The following MATCAP2 variants were observed in gnomAD, a reference collection of about 807,000 sequenced individuals.
MATCAP2 encodes the protein putative tyrosine carboxypeptidase MATCAP2.
chr7:36,374,944 G>T, the MATCAP2 span, among the ~76,000 whole-genome samples: 1 of 152,186 alleles, frequency 6.6e-6, no homozygotes, highest in Non-Finnish European at 1.5e-5. Flanking sequence ...ATCATTGATG[G>T]ACATTTGGGG....
the MATCAP2 span, among the ~76,000 whole-genome samples, chr7:36,388,451 G>A: frequency 6.6e-6 from 1 of 152,108 alleles, no homozygotes; most frequent in Non-Finnish European, 1.5e-5. Context: ...AATTCTTTTT[G>A]TAATGTTGAT....
At chr7:36,373,191 A>C in the MATCAP2 span, among the ~76,000 whole-genome samples, 6 of 152,172 alleles carry the variant, frequency 3.9e-5, no homozygotes, top group African/African-American at 1.2e-4. Context: ...ATGCTGGGGT[A>C]AGTAAATCAG....
chr7:36,359,572 CTAAA>C, the MATCAP2 span, among the ~76,000 whole-genome samples: 7 of 152,024 alleles, frequency 4.6e-5, no homozygotes, highest in Admixed American at 3.9e-4. Flanking sequence ...CTTGCAGGGG[CTAAA>C]TGTCTATTAT....
At chr7:36,325,806 T>C in the MATCAP2 span, 1 of 152,102 alleles carries the variant, frequency 6.6e-6, no homozygotes, top group Non-Finnish European at 1.5e-5. Flanking sequence ...ACTGAACCAA[T>C]AGCACAAAGC....
the MATCAP2 span, among the ~76,000 whole-genome samples, chr7:36,371,526 TA>T: frequency 6.6e-6 from 1 of 152,140 alleles, no homozygotes; most frequent in Non-Finnish European, 1.5e-5. Flanking sequence ...GTTTTGGTAT[TA>T]AAAAAAGTAA....
the MATCAP2 span, chr7:36,390,182 G>T: frequency 3.4e-6 from 5 of 1,463,040 alleles, no homozygotes; most frequent in African/African-American, 1.4e-5. Context: ...TGCGGGCCGG[G>T]GTCGCCGCGG....
the MATCAP2 span, among the ~76,000 whole-genome samples, chr7:36,361,897 A>G: frequency 6.6e-6 from 1 of 152,264 alleles, no homozygotes; most frequent in South Asian, 2.1e-4. Flanking sequence ...AAATGAAGCC[A>G]CATCAAAAGA....
chr7:36,374,246 CTT>C, the MATCAP2 span, among the ~76,000 whole-genome samples: 6 of 143,044 alleles, frequency 4.2e-5, no homozygotes, highest in Admixed American at 7.0e-5. Flanking sequence ...GCAAGGCTAA[CTT>C]TTTTTTTTTT....
At chr7:36,325,948 T>A in the MATCAP2 span, 11 of 151,890 alleles carry the variant, frequency 7.2e-5, no homozygotes, top group African/African-American at 2.4e-4. Context: ...GCTTGTTACA[T>A]ATTCTGTTTC....
chr7:36,353,558 G>A, the MATCAP2 span, among the ~76,000 whole-genome samples: 3 of 144,204 alleles, frequency 2.1e-5, no homozygotes, highest in Non-Finnish European at 4.5e-5. Context: ...TCAGCTCACT[G>A]TAACCTCCAC....
the MATCAP2 span, among the ~76,000 whole-genome samples, chr7:36,352,853 G>C: frequency 6.6e-6 from 1 of 150,736 alleles, no homozygotes; most frequent in African/African-American, 2.4e-5. Context: ...TATTATGTTT[G>C]TAGTTAGTAA....
At chr7:36,366,847 T>C in the MATCAP2 span, 52 of 1,507,098 alleles carry the variant, frequency 3.5e-5, no homozygotes, top group South Asian at 4.9e-5. Flanking sequence ...TACCATTACC[T>C]GAGCCCCGGG....
chr7:36,337,973 A>G, the MATCAP2 span, among the ~76,000 whole-genome samples: 1 of 152,126 alleles, frequency 6.6e-6, no homozygotes. Context: ...TCTCTTGCCC[A>G]AATTCCTATC....
the MATCAP2 span, among the ~76,000 whole-genome samples, chr7:36,361,504 G>A: frequency 6.6e-6 from 1 of 152,122 alleles, no homozygotes; most frequent in African/African-American, 2.4e-5. Context: ...AAAACAATAG[G>A]TTACTTCATT....
At chr7:36,363,020 G>A in the MATCAP2 span, among the ~76,000 whole-genome samples, 4 of 152,174 alleles carry the variant, frequency 2.6e-5, no homozygotes, top group Non-Finnish European at 5.9e-5. Flanking sequence ...GCTTATGAAA[G>A]GGGGGCCAGA....
the MATCAP2 span, chr7:36,336,173 T>A: frequency 6.5e-7 from 1 of 1,535,860 alleles, no homozygotes; most frequent in Non-Finnish European, 8.7e-7. Context: ...GCAGCCTTCC[T>A]TCATCATGTA....
the MATCAP2 span, among the ~76,000 whole-genome samples, chr7:36,330,816 T>C: frequency 6.6e-6 from 1 of 152,234 alleles, no homozygotes; most frequent in African/African-American, 2.4e-5. Context: ...ACAATTTGGT[T>C]ATATTACAGA....
At chr7:36,387,242 T>A in the MATCAP2 span, among the ~76,000 whole-genome samples, 1 of 152,168 alleles carries the variant, frequency 6.6e-6, no homozygotes. Context: ...ATGGGAATGA[T>A]AAACATCAAA....
At chr7:36,326,884 A>C in the MATCAP2 span, 1 of 1,613,922 alleles carries the variant, frequency 6.2e-7, no homozygotes, top group Non-Finnish European at 8.5e-7. Flanking sequence ...GGTAACTGCC[A>C]ATCCTTTTAA....
Sources: allele counts gnomAD v4.1 joint callset (sites outside exome capture counted in the v4.1 genomes callset), GRCh38; gene constraint gnomAD v4.1.1; transcripts MANE v1.5; gene names NCBI Gene and HGNC (gene_info 2026-07-23, HGNC 2026-07-21).